The following ALDH6A1 variants were observed in gnomAD, a reference collection of about 807,000 sequenced individuals.
ALDH6A1 encodes the protein aldehyde dehydrogenase 6 family member A1.
Under a neutral mutation model 62.6 loss-of-function variants are expected in ALDH6A1, and 43 were observed. The observed-to-expected ratio is 0.69, with a 90% CI of 0.54 to 0.89. The LOEUF (loss-of-function observed/expected upper bound fraction) is 0.89, where lower values mean the gene tolerates loss of function less well. Among genes scored for constraint, ALDH6A1 ranks in the 40% least tolerant of loss-of-function variants. The probability of loss-of-function intolerance (pLI) is 0.00; values close to 1 mark genes in which losing one functional copy is unlikely to be tolerated. For synonymous variants in ALDH6A1, 194 were observed against 234.2 expected (o/e 0.83, Z 1.57); for missense variants, 551 against 661.3 (o/e 0.83, Z 1.83).
chr14:74,057,172 T>A lies in ALDH6A1; in HGVS notation c.*3470A>T. 1 of 1,613,240 alleles carries A rather than the reference T, an allele frequency of 6.2e-7. No homozygotes were observed. Among genetic ancestry groups the A allele is most frequent in the Non-Finnish European group, 8.5e-7 (1 of 1,179,330 alleles). On this transcript the variant is annotated 3_prime_UTR_variant, in exon 12 of 12. Coordinates refer to ENST00000553458, the MANE Select transcript of ALDH6A1 (RefSeq NM_005589.4). Reference sequence around the variant, plus strand: ...TGAAAGTAAGCTTCAAGATAAAATCTTCATCACCCAGCAAATTGCAATATC... The same window carrying A: ...TGAAAGTAAGCTTCAAGATAAAATCATCATCACCCAGCAAATTGCAATATC...
chr14:74,081,928 C>G (rs1376500547), intron 1 of ALDH6A1, among the ~76,000 whole-genome samples: 1 of 152,152 alleles, frequency 6.6e-6, no homozygotes, highest in East Asian at 1.9e-4. Context: ...TTTTCTTGCC[C>G]AGGTGCAGCG....
intron 6 of ALDH6A1, among the ~76,000 whole-genome samples, chr14:74,069,528 A>G (rs1199662208): frequency 6.6e-6 from 1 of 151,870 alleles, no homozygotes; most frequent in Non-Finnish European, 1.5e-5. Context: ...AGGCAGGTGG[A>G]TCACCTGAGG....
At chr14:74,063,865 C>CAA (rs71115948) in intron 11 of ALDH6A1, among the ~76,000 whole-genome samples, 2 of 124,122 alleles carry the variant, frequency 1.6e-5, no homozygotes, top group Non-Finnish European at 3.5e-5. Flanking sequence ...GACTCTGTCT[C>CAA]AAAAAAAAAA....
Position 74,060,563 on chromosome 14 carries a change from G to A in ALDH6A1, c.*79C>T. 2.8e-6 allele frequency: 3 copies of A among 1,063,026 alleles called. No individual in the cohort carries two copies. Among genetic ancestry groups the A allele is most frequent in the South Asian group, 2.5e-5 (2 of 79,686 alleles). 65.8% of individuals were successfully genotyped at this position (1,063,026 alleles called of 1,614,324 possible). A position where few individuals can be genotyped will look rare whatever the true frequency, so the allele number is the denominator to read the frequency against. On this transcript the variant is annotated 3_prime_UTR_variant, in exon 12 of 12. Coordinates refer to ENST00000553458, the MANE Select transcript of ALDH6A1 (RefSeq NM_005589.4). ...TATTCCAATCCCATCGATCTGATCT[G>A]AGCAAAGCTGACAAATGAAGCTGGT...
chr14:74,074,196 C>T (rs1282744136), intron 2 of ALDH6A1, among the ~76,000 whole-genome samples: 1 of 151,784 alleles, frequency 6.6e-6, no homozygotes, highest in Non-Finnish European at 1.5e-5. Context: ...AGGCTGGTCT[C>T]GAACTTTTGA....
intron 2 of ALDH6A1, among the ~76,000 whole-genome samples, chr14:74,074,151 A>AT (rs1188231616): frequency 6.6e-6 from 1 of 151,368 alleles, no homozygotes; most frequent in Non-Finnish European, 1.5e-5. Flanking sequence ...CGCCTGGCTA[A>AT]TTTTTTGTAG....
At chr14:74,074,332 G>T (rs1460830688) in intron 2 of ALDH6A1, among the ~76,000 whole-genome samples, 3 of 149,396 alleles carry the variant, frequency 2.0e-5, no homozygotes, top group Non-Finnish European at 4.4e-5. Context: ...CTGTCATCAG[G>T]CTGGAGTGCA....
At chr14:74,064,640 G>A (rs2060428629) in intron 11 of ALDH6A1, 182 bp downstream of exon 11, 2 of 1,598,106 alleles carry the variant, frequency 1.3e-6, no homozygotes, top group African/African-American at 2.7e-5. Context: ...AATTATTCAG[G>A]AAGAAGCAGC....
At chr14:74,068,184 A>C (rs1272646956) in intron 7 of ALDH6A1, among the ~76,000 whole-genome samples, 3 of 151,692 alleles carry the variant, frequency 2.0e-5, no homozygotes, top group African/African-American at 7.3e-5. Flanking sequence ...CAGGAGTTCA[A>C]GACCAGCTTG....
At chr14:74,069,003 T>C (rs1299544556) in intron 6 of ALDH6A1, 22 bp from the exon 7 acceptor site, 4 of 1,608,272 alleles carry the variant, frequency 2.5e-6, no homozygotes, top group African/African-American at 2.7e-5. Flanking sequence ...AAATAAATGA[T>C]CACTCACAAA....
At chr14:74,065,045 C>G in intron 10 of ALDH6A1, 125 bp from the exon 11 acceptor site, 1 of 1,394,596 alleles carries the variant, frequency 7.2e-7, no homozygotes, top group Non-Finnish European at 1.0e-6. Context: ...CATGAACTTT[C>G]ATTCCTGAGG....
Position 74,068,903 on chromosome 14 carries a change from A to C in ALDH6A1, c.809T>G (p.Phe270Cys), listed in dbSNP as rs769552036. 2 of 1,614,056 alleles carry C rather than the reference A, an allele frequency of 1.2e-6. No homozygotes were observed. The stretch of plus-strand genomic sequence containing the variant: ...CTTGCCATGTCTTGATCCTCTCTCG[A>C]AGATATACTCTCCTGCCTTGTTGGA... ...VGSNKAGEYI[F>C]ERGSRHGKRV... Residue 270 changes from phenylalanine (F) to cysteine (C), a missense_variant, in exon 7 of 12, where the codon TTC becomes TGC. Phe to Cys is a radical substitution (Grantham distance 205). Transcript: ENST00000553458.
rs2060253628 is a variant in ALDH6A1, at chr14:74,057,881, C to G, written c.*2761G>C. On this transcript the variant is annotated 3_prime_UTR_variant, in exon 12 of 12. Transcript: ENST00000553458. ...GATGAGTTGTTTCTAATTAGAGCAT[C>G]ACAGTTCTGATTAGTGTGTTTTTTT... The G allele has an allele frequency of 5.9e-6, 6 of 1,023,392 alleles. No individual in the cohort carries two copies. The South Asian group carries it at 1.5e-4, about 25-fold the overall frequency. 63.4% of individuals were successfully genotyped at this position (1,023,392 alleles called of 1,614,324 possible). A position where few individuals can be genotyped will look rare whatever the true frequency, so the allele number is the denominator to read the frequency against.
chr14:74,060,431 G>T lies in ALDH6A1; in HGVS notation c.*211C>A, dbSNP rs1445800496. 2.6e-5 allele frequency: 15 copies of T among 566,846 alleles called. No homozygotes were observed. The highest frequency in any genetic ancestry group is 4.4e-5 in the Non-Finnish European group (14 of 315,242). The allele number at this position is 566,846 out of a possible 1,614,324, so 35.1% of individuals were successfully genotyped here. ...TAGTTACAACAGTTACCTCAAAATA[G>T]AAGTATGAAGAGCAAGTGAGAAATC... On this transcript the variant is annotated 3_prime_UTR_variant, in exon 12 of 12. Transcript: ENST00000553458.
At chr14:74,072,128 T>C in intron 4 of ALDH6A1, 75 bp downstream of exon 4, 1 of 1,608,640 alleles carries the variant, frequency 6.2e-7, no homozygotes, top group Non-Finnish European at 8.5e-7. Context: ...GGAGGGTGGC[T>C]GAAAAGGTCT....
Position 74,069,348 on chromosome 14 carries a change from C to T in ALDH6A1, c.731-367G>A, listed in dbSNP as rs144897842. 4.5e-3 allele frequency: 1,406 copies of T among 309,670 alleles called. 37 individuals carry two copies. The highest frequency in any genetic ancestry group is 0.044 in the Admixed American group (948 of 21,510). 19.2% of individuals were successfully genotyped at this position (309,670 alleles called of 1,614,324 possible). ...TGAACTCCTGACCTCGTGATCCACT[C>T]GCCTTGGCCTCCCAAAATGCTGGGA... On this transcript the variant is annotated intron_variant, in intron 6 of 11. Coordinates refer to ENST00000553458, the MANE Select transcript of ALDH6A1 (RefSeq NM_005589.4).
chr14:74,078,760 C>T (rs1338785944), intron 1 of ALDH6A1, among the ~76,000 whole-genome samples: 1 of 151,778 alleles, frequency 6.6e-6, no homozygotes, highest in Non-Finnish European at 1.5e-5. Flanking sequence ...AACTCCTGAC[C>T]TCAAGTGATC....
chr14:74,064,216 T>G (rs2060415372), intron 11 of ALDH6A1, among the ~76,000 whole-genome samples: 1 of 150,878 alleles, frequency 6.6e-6, no homozygotes, highest in African/African-American at 2.4e-5. Context: ...GAGAAGTGCT[T>G]GAACCCAGGA....
At position 74,084,449 on chromosome 14, in the gene ALDH6A1, C is replaced by T; in HGVS notation, c.-55G>A. 1.2e-6 allele frequency: 2 copies of T among 1,601,136 alleles called. No individual in the cohort carries two copies. Among genetic ancestry groups the T allele is most frequent in the Non-Finnish European group, 8.5e-7 (1 of 1,175,480 alleles). ...GCGCCTCTACTGCCCAGAAGCACTA[C>T]AGCTGCCAGGCCTCGCCCTCCATCC... On this transcript the variant is annotated 5_prime_UTR_variant, in exon 1 of 12. Transcript: ENST00000553458.
Sources: allele counts gnomAD v4.1 joint callset (sites outside exome capture counted in the v4.1 genomes callset), GRCh38; gene constraint gnomAD v4.1.1; transcripts MANE v1.5; gene names NCBI Gene and HGNC (gene_info 2026-07-23, HGNC 2026-07-21).